The following PUS7 variants were observed in gnomAD, a reference collection of about 807,000 sequenced individuals.
PUS7 encodes pseudouridylate synthase 7 homolog.
PUS7 carries 48 observed loss-of-function variants against 79.8 expected under a neutral mutation model. The ratio of observed to expected loss-of-function variants is 0.60; its 90% CI spans 0.48 to 0.76. The LOEUF (loss-of-function observed/expected upper bound fraction) is 0.76. PUS7 is among the 30% of genes least tolerant of loss of function. The pLI is 0.00. For synonymous variants in PUS7, 286 were observed against 272.2 expected, an observed-to-expected ratio of 1.05 and a Z score of -0.50; for missense variants, 729 against 797.6, an observed-to-expected ratio of 0.91 and a Z score of 1.04.
intron 4 of PUS7, among the ~76,000 whole-genome samples, chr7:105,504,826 T>C (rs1825390633): frequency 6.6e-6 from 1 of 152,106 alleles, no homozygotes; most frequent in Non-Finnish European, 1.5e-5. Context: ...GGAAGATTTC[T>C]AACATTGCAA....
chr7:105,491,334 C>T (rs928862368), intron 7 of PUS7, among the ~76,000 whole-genome samples: 1 of 152,046 alleles, frequency 6.6e-6, no homozygotes. Flanking sequence ...ATTCTCTTGG[C>T]TTTACCAAAA....
chr7:105,457,660 T>G lies in PUS7; in HGVS notation c.*130A>C. The G allele has an allele frequency of 1.0e-6, 1 of 958,168 alleles. No homozygotes were observed. Among genetic ancestry groups the G allele is most frequent in the Non-Finnish European group, 1.5e-6 (1 of 678,018 alleles). 59.4% of individuals were successfully genotyped at this position (958,168 alleles called of 1,614,324 possible). On this transcript the variant is annotated 3_prime_UTR_variant, in exon 16 of 16. Transcript: ENST00000469408. ...ATTATTTCTTTAAGCTAATAAAAACTTAAAAATACAAATAATTTTTATTAC... is the reference window on the plus strand; with the variant it reads ...ATTATTTCTTTAAGCTAATAAAAACGTAAAAATACAAATAATTTTTATTAC...
intron 1 of PUS7, among the ~76,000 whole-genome samples, chr7:105,514,298 G>A (rs1383303817): frequency 1.4e-5 from 2 of 147,694 alleles, no homozygotes. Context: ...TATGTCTGGA[G>A]GAGTTTAAAA....
chr7:105,496,970 C>G (rs1263916462), intron 5 of PUS7: 1 of 1,218,838 alleles, frequency 8.2e-7, no homozygotes, highest in Non-Finnish European at 1.1e-6. Context: ...CAGTTCTGAC[C>G]TCTGTCCAAA....
At chr7:105,473,707 C>G (rs1420932324) in intron 9 of PUS7, among the ~76,000 whole-genome samples, 1 of 152,192 alleles carries the variant, frequency 6.6e-6, no homozygotes, top group Non-Finnish European at 1.5e-5. Flanking sequence ...GCATGTACCA[C>G]TGTGCCCGGC....
intron 1 of PUS7, among the ~76,000 whole-genome samples, chr7:105,520,519 AAAATAAAT>A (rs139684453): frequency 0.054 from 7,555 of 140,518 alleles, 233 homozygotes; most frequent in Middle Eastern, 0.11. Context: ...AGACTGTCTC[AAAATAAAT>A]AAATAAATAA....
chr7:105,481,790 G>C (rs1824332084), intron 8 of PUS7, among the ~76,000 whole-genome samples: 1 of 151,746 alleles, frequency 6.6e-6, no homozygotes, highest in South Asian at 2.1e-4. Flanking sequence ...GAGTGCAGTG[G>C]AGCGATCTCG....
At chr7:105,483,856 T>C (rs1824433074) in intron 7 of PUS7, among the ~76,000 whole-genome samples, 1 of 152,178 alleles carries the variant, frequency 6.6e-6, no homozygotes, top group African/African-American at 2.4e-5. Context: ...AGCTGTGATG[T>C]CTGTTTGGTT....
chr7:105,501,172 G>C (rs578109156), intron 5 of PUS7, among the ~76,000 whole-genome samples: 105 of 152,184 alleles, frequency 6.9e-4, no homozygotes, highest in Middle Eastern at 6.8e-3. Flanking sequence ...AGCAATTAAG[G>C]CTTCATCCAT....
chr7:105,484,859 T>C (rs1321442368), intron 7 of PUS7, among the ~76,000 whole-genome samples: 1 of 148,168 alleles, frequency 6.7e-6, no homozygotes, highest in Non-Finnish European at 1.5e-5. Context: ...TCAGAGATTT[T>C]TTTTTTTTTT....
chr7:105,519,664 G>C (rs1826029130), intron 1 of PUS7, among the ~76,000 whole-genome samples: 1 of 152,184 alleles, frequency 6.6e-6, no homozygotes. Context: ...GAAGAAAAGG[G>C]TAATACCATT....
chr7:105,477,341 G>A (rs73415580), intron 9 of PUS7, among the ~76,000 whole-genome samples: 3,017 of 151,836 alleles, frequency 0.02, 104 homozygotes, highest in African/African-American at 0.068. Flanking sequence ...TCTGCCTCCC[G>A]GGCTAAAGCA....
intron 7 of PUS7, 97 bp from the exon 8 acceptor site, chr7:105,482,537 A>C: frequency 7.7e-7 from 1 of 1,294,020 alleles, no homozygotes; most frequent in Non-Finnish European, 1.1e-6. Flanking sequence ...AAAACAAGAT[A>C]CAGCACACCT....
chr7:105,470,930 C>G (rs1008589256), intron 10 of PUS7, 82 bp from the exon 11 acceptor site: 61 of 1,385,012 alleles, frequency 4.4e-5, no homozygotes, highest in Non-Finnish European at 5.8e-5. Context: ...ACAGAGAACA[C>G]AAAATTAGAA....
At chr7:105,518,120 C>G (rs1487650718) in intron 1 of PUS7, among the ~76,000 whole-genome samples, 1 of 151,774 alleles carries the variant, frequency 6.6e-6, no homozygotes, top group East Asian at 1.9e-4. Flanking sequence ...TGCACTCCAG[C>G]CTGGGTGACA....
intron 14 of PUS7, 123 bp from the exon 15 acceptor site, chr7:105,459,382 A>T: frequency 2.0e-6 from 1 of 510,236 alleles, no homozygotes; most frequent in Non-Finnish European, 3.3e-6. Flanking sequence ...TATAGTTAGG[A>T]ATCTTGAATA....
chr7:105,463,068 G>A (rs565286079), intron 13 of PUS7, among the ~76,000 whole-genome samples: 1 of 152,246 alleles, frequency 6.6e-6, no homozygotes, highest in South Asian at 2.1e-4. Context: ...ATTTTATATG[G>A]GCTGAGAGTT....
At chr7:105,487,955 T>G (rs755318959) in intron 7 of PUS7, among the ~76,000 whole-genome samples, 2 of 152,186 alleles carry the variant, frequency 1.3e-5, no homozygotes, top group Non-Finnish European at 2.9e-5. Flanking sequence ...CAGAGTGGGT[T>G]TCTCCTGTTC....
chr7:105,462,480 A>G, intron 14 of PUS7, 141 bp downstream of exon 14: 1 of 941,090 alleles, frequency 1.1e-6, no homozygotes, highest in Non-Finnish European at 1.6e-6. Context: ...ATGGTGTTAT[A>G]ATCTTATGAT....
Sources: gnomAD v4.1 joint callset for allele counts (sites outside exome capture counted in the v4.1 genomes callset) on GRCh38, gnomAD v4.1.1 for gene constraint, MANE v1.5 for transcripts, NCBI Gene and HGNC (gene_info 2026-07-23, HGNC 2026-07-21) for gene names.